The following SLIT1 variants were observed in gnomAD, a reference collection of about 807,000 sequenced individuals.
SLIT1 encodes slit guidance ligand 1.
In SLIT1, 66 loss-of-function variants were observed where a neutral mutation model predicts 186.1. The ratio of observed to expected loss-of-function variants is 0.35; its 90% CI spans 0.29 to 0.44. The LOEUF (loss-of-function observed/expected upper bound fraction) is 0.44, where lower values mean the gene tolerates loss of function less well. Ranked by LOEUF, SLIT1 falls within the 20% of genes least tolerant of loss-of-function variation. The pLI is 1.00. For missense variants in SLIT1, 1,638 were observed against 2,037.4 expected (o/e 0.80, Z 3.77); for synonymous variants, 761 against 833.8 (o/e 0.91, Z 1.50).
chr10:97,007,041 C>T (rs1220054862), intron 31 of SLIT1, among the ~76,000 whole-genome samples: 1 of 152,132 alleles, frequency 6.6e-6, no homozygotes, highest in Non-Finnish European at 1.5e-5. Flanking sequence ...TTACTATACC[C>T]ATTTTATAGA....
chr10:97,127,062 G>A (rs1417487805), intron 4 of SLIT1, among the ~76,000 whole-genome samples: 3 of 152,060 alleles, frequency 2.0e-5, no homozygotes, highest in Non-Finnish European at 2.9e-5. Context: ...AGGCTGAGGC[G>A]GGTGGATCAC....
intron 3 of SLIT1, among the ~76,000 whole-genome samples, chr10:97,162,730 A>T (rs191475729): frequency 1.4e-4 from 22 of 152,000 alleles, no homozygotes; most frequent in Non-Finnish European, 2.9e-5. Flanking sequence ...GAACATTAGG[A>T]CTCCTAACAC....
intron 15 of SLIT1, 68 bp downstream of exon 15, chr10:97,047,905 G>T (rs937512329): frequency 6.8e-6 from 11 of 1,612,858 alleles, no homozygotes; most frequent in South Asian, 1.1e-5. Flanking sequence ...GTCAACCAAG[G>T]CCCCCAGCCT....
chr10:97,042,799 C>T (rs1243841322), intron 20 of SLIT1, 102 bp downstream of exon 20: 34 of 1,294,784 alleles, frequency 2.6e-5, no homozygotes, highest in Non-Finnish European at 3.7e-5. Flanking sequence ...CAGGGGCATG[C>T]CAGGGGGTGC....
At chr10:97,131,337 C>G (rs1036677087) in intron 4 of SLIT1, among the ~76,000 whole-genome samples, 1 of 152,248 alleles carries the variant, frequency 6.6e-6, no homozygotes, top group South Asian at 2.1e-4. Flanking sequence ...CAAACAAATT[C>G]GCCTGGGCGC....
intron 4 of SLIT1, among the ~76,000 whole-genome samples, chr10:97,115,489 T>C (rs1027500195): frequency 9.2e-5 from 14 of 152,050 alleles, no homozygotes; most frequent in African/African-American, 3.4e-4. Flanking sequence ...TGCCTGTAAG[T>C]TTGCAAATGT....
In SLIT1 at chr10:97,013,784, A is replaced by G; in HGVS notation, c.3160T>C (p.Cys1054Arg). The G allele has an allele frequency of 3.2e-6, 5 of 1,551,558 alleles. No homozygotes were observed. Among genetic ancestry groups the G allele is most frequent in the South Asian group, 1.2e-5 (1 of 84,058 alleles). ...CCCACACACTGGGCCTCGTGTTGAC[A>G]TGGGTTCAGATCCGGAGAGCACAAG... is the stretch of plus-strand genomic sequence containing the variant. The part of the protein sequence containing the change: ...VDLCSPDLNP[C>R]QHEAQCVGTP... Residue 1054 changes from cysteine (C) to arginine (R), a missense_variant, in exon 30 of 37, where the codon TGT becomes CGT. Transcript: ENST00000266058.
chr10:97,111,697 G>A (rs757029779), intron 4 of SLIT1, among the ~76,000 whole-genome samples: 2 of 152,134 alleles, frequency 1.3e-5, no homozygotes, highest in East Asian at 1.9e-4. Context: ...AGCGCCTGGC[G>A]TCAGACAAAC....
chr10:97,042,776 T>A, intron 20 of SLIT1, 125 bp downstream of exon 20: 1 of 1,030,618 alleles, frequency 9.7e-7, no homozygotes, highest in Non-Finnish European at 1.4e-6. Flanking sequence ...CCTCCCCACC[T>A]AACCTCTCCT....
At chr10:97,025,478 G>A (rs1020269594) in intron 25 of SLIT1, among the ~76,000 whole-genome samples, 12 of 151,958 alleles carry the variant, frequency 7.9e-5, no homozygotes, top group Admixed American at 2.6e-4. Context: ...CTGGATTTTC[G>A]GGGCTGAGGA....
chr10:97,043,640 A>T lies in SLIT1; in HGVS notation c.1854-127T>A, dbSNP rs1240515378. The T allele has an allele frequency of 1.1e-6, 1 of 928,392 alleles. No homozygotes were observed. Among genetic ancestry groups the T allele is most frequent in the African/African-American group, 1.6e-5 (1 of 61,288 alleles). The allele number at this position is 928,392 out of a possible 1,614,324, so 57.5% of individuals were successfully genotyped here. ...TCCATAGGCTGCGAGCCGCAGAGCC[A>T]GGAACACGCACCAGCCAGGCCCCGG... On this transcript the variant is annotated intron_variant, in intron 18 of 36. Transcript: ENST00000266058. The surrounding 1 kb of genome is among the most constrained non-coding windows in gnomAD (Gnocchi z 7.0).
At chr10:97,031,756 A>C in intron 23 of SLIT1, 79 bp from the exon 24 acceptor site, 5 of 1,160,424 alleles carry the variant, frequency 4.3e-6, no homozygotes, top group Admixed American at 2.1e-5. Context: ...CAGGACGTGG[A>C]GGTCCCTCTC....
chr10:97,072,704 A>C (rs1208437904), intron 4 of SLIT1, among the ~76,000 whole-genome samples: 1 of 152,210 alleles, frequency 6.6e-6, no homozygotes, highest in African/African-American at 2.4e-5. Flanking sequence ...AAACAGGTGA[A>C]CCTTGGAAGC....
chr10:97,070,724 C>T (rs932799833), intron 4 of SLIT1, among the ~76,000 whole-genome samples: 1 of 152,218 alleles, frequency 6.6e-6, no homozygotes, highest in Non-Finnish European at 1.5e-5. Context: ...GCCTTCACCA[C>T]ACGCCAAATC....
At chr10:97,015,202 A>C (rs1026426178) in intron 28 of SLIT1, among the ~76,000 whole-genome samples, 4 of 152,200 alleles carry the variant, frequency 2.6e-5, no homozygotes, top group African/African-American at 7.2e-5. Flanking sequence ...GCCCTTACAG[A>C]CTGGGGGGTG....
intron 36 of SLIT1, 43 bp from the exon 37 acceptor site, chr10:97,001,393 A>C: frequency 6.7e-7 from 1 of 1,484,496 alleles, no homozygotes; most frequent in Non-Finnish European, 9.3e-7. Flanking sequence ...GGGCACACCC[A>C]TGGGTGAGCT....
At chr10:97,137,254 A>G (rs991902794) in intron 4 of SLIT1, among the ~76,000 whole-genome samples, 8 of 152,158 alleles carry the variant, frequency 5.3e-5, no homozygotes, top group Non-Finnish European at 1.2e-4. Context: ...TTCGAGGCAC[A>G]CTCCTCTCTT....
chr10:97,106,005 G>A (rs1016252676), intron 4 of SLIT1, among the ~76,000 whole-genome samples: 3 of 152,216 alleles, frequency 2.0e-5, no homozygotes, highest in Non-Finnish European at 2.9e-5. Flanking sequence ...GGCATCCACC[G>A]GTTTTTGTTT....
chr10:97,141,697 G>A (rs376625519), intron 4 of SLIT1, among the ~76,000 whole-genome samples: 1 of 96,172 alleles, frequency 1.0e-5, no homozygotes, highest in African/African-American at 6.6e-5. Flanking sequence ...GTATCGTATC[G>A]TATCGTATTG....
Sources: allele counts gnomAD v4.1 joint callset (sites outside exome capture counted in the v4.1 genomes callset), GRCh38; gene constraint gnomAD v4.1.1; non-coding constraint Gnocchi (gnomAD v3.1); transcripts MANE v1.5; gene names NCBI Gene and HGNC (gene_info 2026-07-23, HGNC 2026-07-21).